The following ELL variants were observed in gnomAD, a reference collection of about 807,000 sequenced individuals.
ELL encodes RNA polymerase II elongation factor ELL.
Under a neutral mutation model 64.0 loss-of-function variants are expected in ELL, and 18 were observed. The ratio of observed to expected loss-of-function variants is 0.28; its 90% confidence interval spans 0.19 to 0.42. ELL has a LOEUF of 0.42. ELL is among the 10% of genes least tolerant of loss of function. ELL has a pLI of 1.00. For synonymous variants in ELL, 399 were observed against 376.2 expected, an observed-to-expected ratio of 1.06 and a Z score of -0.70; for missense variants, 797 against 870.4, an observed-to-expected ratio of 0.92 and a Z score of 1.06.
chr19:18,480,100 A>G (rs1975265970), intron 1 of ELL, among the ~76,000 whole-genome samples: 1 of 152,216 alleles, frequency 6.6e-6, no homozygotes, highest in African/African-American at 2.4e-5. Context: ...CACCAGTGTC[A>G]GCACACACGT....
At chr19:18,482,098 T>C (rs192225464) in intron 1 of ELL, among the ~76,000 whole-genome samples, 1 of 152,228 alleles carries the variant, frequency 6.6e-6, no homozygotes, top group African/African-American at 2.4e-5. Context: ...CATGTTTGGG[T>C]TTCCCTGCTG....
intron 1 of ELL, among the ~76,000 whole-genome samples, chr19:18,486,245 A>G (rs568633960): frequency 6.6e-6 from 1 of 152,272 alleles, no homozygotes; most frequent in Admixed American, 6.5e-5. Context: ...CAGGGCCCCA[A>G]GGGCGGTCAG....
At chr19:18,462,335 CTG>C (rs370735358) in intron 4 of ELL, among the ~76,000 whole-genome samples, 3,021 of 64,734 alleles carry the variant, frequency 0.047, 260 homozygotes, top group African/African-American at 0.19. Context: ...CTCTAGTGGG[CTG>C]TGTGTGTGTG....
chr19:18,483,464 G>A (rs562769372), intron 1 of ELL, among the ~76,000 whole-genome samples: 8 of 152,306 alleles, frequency 5.3e-5, no homozygotes, highest in African/African-American at 1.4e-4. Flanking sequence ...CTCCCTGTCC[G>A]TAGAAATCAC....
intron 1 of ELL, among the ~76,000 whole-genome samples, chr19:18,492,612 A>T (rs1211058860): frequency 6.6e-6 from 1 of 152,202 alleles, no homozygotes; most frequent in Non-Finnish European, 1.5e-5. Context: ...ACTGGGTCAC[A>T]TATTTCTTTT....
intron 2 of ELL, 55 bp downstream of exon 2, chr19:18,472,780 T>C (rs938392491): frequency 1.3e-6 from 2 of 1,577,706 alleles, no homozygotes; most frequent in African/African-American, 2.8e-5. Flanking sequence ...AGGACAGACC[T>C]GAGACTATAC....
At chr19:18,458,135 C>T in intron 6 of ELL, 70 bp downstream of exon 6, 1 of 1,582,528 alleles carries the variant, frequency 6.3e-7, no homozygotes, top group Admixed American at 1.7e-5. Flanking sequence ...ACCACCCCAG[C>T]ATCCTCTGGG....
chr19:18,445,487 G>A (rs1003213591), intron 10 of ELL: 6 of 510,164 alleles, frequency 1.2e-5, no homozygotes, highest in African/African-American at 4.0e-5. Flanking sequence ...AATAGCAGGT[G>A]GGGCACTGCT....
intron 1 of ELL, among the ~76,000 whole-genome samples, chr19:18,493,138 G>A (rs1041732343): frequency 2.0e-5 from 3 of 152,042 alleles, no homozygotes; most frequent in African/African-American, 4.8e-5. Flanking sequence ...GACCGAGAAG[G>A]AAAGATGGAG....
chr19:18,479,023 G>A (rs770221264), intron 1 of ELL, among the ~76,000 whole-genome samples: 15 of 152,198 alleles, frequency 9.9e-5, no homozygotes, highest in Non-Finnish European at 1.6e-4. Context: ...TCTCCCCTCC[G>A]GCAAAGAGCA....
rs150892924 is a variant in ELL, at chr19:18,463,287, G to A, written c.470-1435C>T. 4.9e-3 allele frequency among the ~76,000 whole-genome samples: 746 copies of A among 151,862 alleles called. 1 individual carries two copies. Among genetic ancestry groups the A allele is most frequent in the Non-Finnish European group, 7.3e-3 (498 of 67,930 alleles). On this transcript the variant is annotated intron_variant, in intron 4 of 11. Coordinates refer to ENST00000262809, the MANE Select transcript of ELL (RefSeq NM_006532.4). ...TGACAGGGAGGAGGAGCAACCTGAG[G>A]GGGGCACTGTGAGACAGAGGAACAC... is the stretch of plus-strand genomic sequence containing the variant.
At chr19:18,445,102 G>A in intron 11 of ELL, 122 bp downstream of exon 11, 1 of 1,406,250 alleles carries the variant, frequency 7.1e-7, no homozygotes, top group Non-Finnish European at 1.0e-6. Context: ...TTTGGCCTCA[G>A]ACTCAAAGGC....
At chr19:18,485,559 GT>G (rs1408500018) in intron 1 of ELL, among the ~76,000 whole-genome samples, 1 of 152,132 alleles carries the variant, frequency 6.6e-6, no homozygotes, top group African/African-American at 2.4e-5. Context: ...GGGAGACCAG[GT>G]CTGGCCCCCA....
chr19:18,473,795 C>T (rs1352452235), intron 1 of ELL, among the ~76,000 whole-genome samples: 1 of 152,078 alleles, frequency 6.6e-6, no homozygotes, highest in Non-Finnish European at 1.5e-5. Flanking sequence ...GATTCTTGGT[C>T]CCCAAACCCA....
Position 18,444,443 on chromosome 19 carries a change from C to T in ELL, c.*309G>A, listed in dbSNP as rs909041601. 10 of 323,082 alleles carry T rather than the reference C, an allele frequency of 3.1e-5. No homozygotes were observed. The highest frequency in any genetic ancestry group is 4.5e-5 in the Non-Finnish European group (8 of 176,150). The allele number at this position is 323,082 out of a possible 1,614,324, so 20.0% of individuals were successfully genotyped here. A position where few individuals can be genotyped will look rare whatever the true frequency, so the allele number is the denominator to read the frequency against. On this transcript the variant is annotated 3_prime_UTR_variant, in exon 12 of 12. Transcript: ENST00000262809. ...TTTGTATAAAACTAGAAAAGGCAGG[C>T]GCGCCACCCCAAGGGCCTAGGAGTC...
At chr19:18,509,311 T>A (rs1169370903) in intron 1 of ELL, among the ~76,000 whole-genome samples, 1 of 152,004 alleles carries the variant, frequency 6.6e-6, no homozygotes, top group African/African-American at 2.4e-5. Context: ...AAGCTCATTG[T>A]ACCCCGAAAA....
chr19:18,444,531 T>C lies in ELL; in HGVS notation c.*221A>G, dbSNP rs1974367485. The C allele has an allele frequency of 4.1e-6, 2 of 488,602 alleles. No homozygotes were observed. Among genetic ancestry groups the C allele is most frequent in the South Asian group, 6.1e-5 (2 of 32,738 alleles). 30.3% of individuals were successfully genotyped at this position (488,602 alleles called of 1,614,324 possible). A position where few individuals can be genotyped will look rare whatever the true frequency, so the allele number is the denominator to read the frequency against. On this transcript the variant is annotated 3_prime_UTR_variant, in exon 12 of 12. Transcript: ENST00000262809. ...GCCAGGGAGGAGGCAGTGGGCTTCC[T>C]GGGGAGCCCATCATAAGCAGGGACT...
At chr19:18,499,571 G>A (rs1212664695) in intron 1 of ELL, among the ~76,000 whole-genome samples, 1 of 152,206 alleles carries the variant, frequency 6.6e-6, no homozygotes, top group African/African-American at 2.4e-5. Flanking sequence ...TTGGGGAGAT[G>A]GTCCCTCAGC....
At chr19:18,490,206 C>A (rs2162797) in intron 1 of ELL, among the ~76,000 whole-genome samples, 4 of 150,474 alleles carry the variant, frequency 2.7e-5, no homozygotes, top group East Asian at 2.0e-4. Flanking sequence ...CCTGCCCCTC[C>A]CCCCCACCCA....
Sources: gnomAD v4.1 joint callset for allele counts (sites outside exome capture counted in the v4.1 genomes callset) on GRCh38, gnomAD v4.1.1 for gene constraint, MANE v1.5 for transcripts, NCBI Gene and HGNC (gene_info 2026-07-23, HGNC 2026-07-21) for gene names.